Variants in NHSL1 observed in about 807,000 individuals in gnomAD.
NHSL1 encodes NHS-like protein 1.
A neutral mutation model predicts 95.0 loss-of-function variants in NHSL1; 48 were observed. The observed-to-expected ratio is 0.51, with a 90% CI of 0.40 to 0.64. NHSL1 has a LOEUF of 0.64. Ranked by LOEUF, NHSL1 falls within the 30% of genes least tolerant of loss-of-function variation. The pLI is 0.00. For missense variants in NHSL1, 1,971 were observed against 2,077.7 expected, an observed-to-expected ratio of 0.95 and a Z score of 1.00; for synonymous variants, 783 against 833.9, an observed-to-expected ratio of 0.94 and a Z score of 1.05.
intron 1 of NHSL1, among the ~76,000 whole-genome samples, chr6:138,560,612 T>C (rs1361752359): frequency 6.6e-6 from 1 of 152,202 alleles, no homozygotes; most frequent in East Asian, 1.9e-4. Flanking sequence ...TTTCTACTGG[T>C]GAAAAACTTA....
intron 1 of NHSL1, among the ~76,000 whole-genome samples, chr6:138,554,343 T>G (rs1783118312): frequency 6.6e-6 from 1 of 152,188 alleles, no homozygotes; most frequent in South Asian, 2.1e-4. Context: ...TTGTGTCATT[T>G]TCTCCTAAGC....
chr6:138,426,692 C>T lies in NHSL1; in HGVS notation c.4086-1876G>A, dbSNP rs544256428. Among the ~76,000 whole-genome samples the T allele has an allele frequency of 1.4e-3, 211 of 152,220 alleles. 1 individual carries two copies. The highest frequency in any genetic ancestry group is 3.4e-3 in the Middle Eastern group (1 of 294). Reference sequence around the variant, plus strand: ...GGGCTTGGTGTTCCTGGCGTCATCTCCATTCTTCTGGTCAAAAAGATGCCA... The same window carrying T: ...GGGCTTGGTGTTCCTGGCGTCATCTTCATTCTTCTGGTCAAAAAGATGCCA... On this transcript the variant is annotated intron_variant, in intron 7 of 7. Coordinates refer to ENST00000343505, the MANE Select transcript of NHSL1 (RefSeq NM_001144060.2).
chr6:138,606,700 TTC>T (rs1466303231), intron 1 of NHSL1, among the ~76,000 whole-genome samples: 8 of 120,088 alleles, frequency 6.7e-5, no homozygotes, highest in South Asian at 2.8e-4. Context: ...CTTTCTTTCT[TTC>T]TTTTTTTTTT....
At chr6:138,505,600 A>G (rs1032725942) in intron 1 of NHSL1, among the ~76,000 whole-genome samples, 1 of 146,990 alleles carries the variant, frequency 6.8e-6, no homozygotes, top group South Asian at 2.2e-4. Context: ...GGTTGCAGTG[A>G]GCTGAGATTG....
intron 1 of NHSL1, among the ~76,000 whole-genome samples, chr6:138,523,626 G>GGAAAAAAAAA (rs1781774244): frequency 2.3e-5 from 1 of 43,126 alleles, no homozygotes; most frequent in African/African-American, 8.6e-5. Context: ...GTTTTAAAGA[G>GGAAAAAAAAA]GAAAAAAAAA....
chr6:138,481,513 T>C (rs1261101273), intron 2 of NHSL1, among the ~76,000 whole-genome samples: 4 of 152,160 alleles, frequency 2.6e-5, no homozygotes, highest in Admixed American at 6.5e-5. Context: ...TAAAAGACAA[T>C]AGATGTTCAA....
At chr6:138,516,478 G>C (rs1781466564) in intron 1 of NHSL1, among the ~76,000 whole-genome samples, 1 of 152,142 alleles carries the variant, frequency 6.6e-6, no homozygotes, top group East Asian at 1.9e-4. Flanking sequence ...GACAAAGTGG[G>C]GTTTGTGGCA....
At chr6:138,482,555 C>T (rs1779492498) in intron 2 of NHSL1, among the ~76,000 whole-genome samples, 1 of 152,102 alleles carries the variant, frequency 6.6e-6, no homozygotes, top group Non-Finnish European at 1.5e-5. Context: ...TTTCCAACCT[C>T]CAGGTTCAGT....
At chr6:138,658,782 G>A (rs1018021858) in intron 1 of NHSL1, among the ~76,000 whole-genome samples, 1 of 152,116 alleles carries the variant, frequency 6.6e-6, no homozygotes, top group African/African-American at 2.4e-5. Context: ...TAAAGGAATT[G>A]TAAATAAGTT....
At chr6:138,569,015 G>A (rs1479367893) in intron 1 of NHSL1, among the ~76,000 whole-genome samples, 1 of 152,146 alleles carries the variant, frequency 6.6e-6, no homozygotes, top group Admixed American at 6.5e-5. Context: ...CACACTGATG[G>A]TAGGAGCTCA....
At chr6:138,464,182 C>T (rs1034512285) in intron 3 of NHSL1, 3 of 694,298 alleles carry the variant, frequency 4.3e-6, no homozygotes, top group Non-Finnish European at 7.2e-6. Context: ...TATACCTGGG[C>T]ACCAGGGGCA....
chr6:138,506,132 A>G (rs1010432368), intron 1 of NHSL1, among the ~76,000 whole-genome samples: 1 of 152,206 alleles, frequency 6.6e-6, no homozygotes, highest in Non-Finnish European at 1.5e-5. Context: ...AAGGGATTTT[A>G]GACATTTCTA....
chr6:138,624,321 T>C (rs957879895), intron 1 of NHSL1, among the ~76,000 whole-genome samples: 1 of 152,096 alleles, frequency 6.6e-6, no homozygotes, highest in Non-Finnish European at 1.5e-5. Flanking sequence ...TGATGTGTCA[T>C]GGACCACATT....
In NHSL1 at chr6:138,429,760, T is replaced by A; in HGVS notation, c.4036A>T (p.Thr1346Ser). 1.3e-6 allele frequency: 2 copies of A among 1,551,574 alleles called. No individual in the cohort carries two copies. Among genetic ancestry groups the A allele is most frequent in the Non-Finnish European group, 1.7e-6 (2 of 1,146,938 alleles). Residue 1346 changes from threonine to serine, a missense_variant, in exon 7 of 8, where the codon ACC becomes TCC. Transcript: ENST00000343505. ...TCTGTGGTCCTGGGTCGACTGGGGG[T>A]CATTACCTCATCATTCCCGTCTTCC... ...LKEDGNDEVM[T>S]PSRPRTTEDL...
intron 2 of NHSL1, among the ~76,000 whole-genome samples, chr6:138,488,333 A>G (rs921881378): frequency 1.7e-4 from 26 of 152,190 alleles, no homozygotes; most frequent in African/African-American, 6.0e-4. Context: ...CACCTTTTGC[A>G]TATCAATTTT....
chr6:138,503,157 T>C (rs545103941), upstream of NHSL1, among the ~76,000 whole-genome samples: 2 of 152,342 alleles, frequency 1.3e-5, no homozygotes, highest in East Asian at 3.9e-4. Flanking sequence ...GGTGTTTTTC[T>C]TTCTCCTCAC....
At chr6:138,601,535 C>T (rs370720098) in intron 1 of NHSL1, among the ~76,000 whole-genome samples, 2 of 151,788 alleles carry the variant, frequency 1.3e-5, no homozygotes, top group African/African-American at 4.8e-5. Context: ...TTTTCTTGCC[C>T]GGGCACGGTG....
intron 1 of NHSL1, among the ~76,000 whole-genome samples, chr6:138,668,813 A>AG (rs1785328657): frequency 6.6e-6 from 1 of 152,078 alleles, no homozygotes; most frequent in Admixed American, 6.5e-5. Context: ...TAGCAGAGAC[A>AG]GGGTTTCACC....
Position 138,432,745 on chromosome 6 carries a change from C to T in NHSL1, c.1600G>A (p.Asp534Asn). Residue 534 changes from aspartate to asparagine, a missense_variant, in exon 6 of 8, where the codon GAT becomes AAT. By Grantham distance (23) the Asp-to-Asn change is conservative (BLOSUM62 1). This residue lies in a region of NHSL1 where 1,602 missense variants were observed against 1,654.5 expected (regional missense o/e 0.97). Transcript: ENST00000343505. The surrounding 1 kb of genome is among the most constrained non-coding windows in gnomAD (Gnocchi z 4.4). Reference protein sequence around the residue: ...LAFPAHPQDVDGKSESSYSGG... With the variant: ...LAFPAHPQDVNGKSESSYSGG... ...GAATAACTAGATTCACTCTTGCCAT[C>T]CACATCTTGGGGGTGGGCTGGGAAG... The T allele has an allele frequency of 6.4e-7, 1 of 1,551,674 alleles. No homozygotes were observed. The highest frequency in any genetic ancestry group is 8.7e-7 in the Non-Finnish European group (1 of 1,146,968).
Sources: allele counts gnomAD v4.1 joint callset (sites outside exome capture counted in the v4.1 genomes callset), GRCh38; gene constraint gnomAD v4.1.1; regional missense constraint gnomAD v4.1.1; non-coding constraint Gnocchi (gnomAD v3.1); transcripts MANE v1.5; gene names NCBI Gene and HGNC (gene_info 2026-07-23, HGNC 2026-07-21).